TMCO5A: variants seen among roughly 807,000 people sequenced by gnomAD.
The protein encoded by TMCO5A is transmembrane and coiled-coil domain-containing protein 5A.
In TMCO5A, 34 loss-of-function variants were observed where a neutral mutation model predicts 42.3. The ratio of observed to expected loss-of-function variants is 0.80; its 90% CI spans 0.61 to 1.07. TMCO5A has a LOEUF of 1.07. Ranked by LOEUF, TMCO5A falls within the 50% of genes least tolerant of loss-of-function variation. TMCO5A has a pLI of 0.00. For synonymous variants in TMCO5A, 131 were observed against 115.6 expected, an observed-to-expected ratio of 1.13 and a Z score of -0.86; for missense variants, 357 against 327.9, an observed-to-expected ratio of 1.09 and a Z score of -0.69.
chr15:37,986,380 G>GGTGTGT, the TMCO5A span, among the ~76,000 whole-genome samples: 15,021 of 139,178 alleles, frequency 0.11, 837 homozygotes, highest in African/African-American at 0.15. Flanking sequence ...GGTAAGGGAT[G>GGTGTGT]GTGTGTGTGT....
At chr15:38,008,164 A>G in the TMCO5A span, among the ~76,000 whole-genome samples, 342 of 151,154 alleles carry the variant, frequency 2.3e-3, 3 homozygotes, top group East Asian at 0.026. Context: ...CAAAGTGCTG[A>G]GATTACAGGC....
intron 11 of TMCO5A, among the ~76,000 whole-genome samples, chr15:37,959,112 G>C (rs1890361504): frequency 1.3e-5 from 2 of 151,658 alleles, no homozygotes; most frequent in Non-Finnish European, 2.9e-5. Context: ...ACTGGGGCCT[G>C]TCAGGGGGTG....
At chr15:38,001,606 G>C in the TMCO5A span, among the ~76,000 whole-genome samples, 1 of 151,146 alleles carries the variant, frequency 6.6e-6, no homozygotes, top group South Asian at 2.1e-4. Flanking sequence ...TCTTCCTTTA[G>C]TGTAGGTGAT....
chr15:37,948,666 A>G (rs1385858566), intron 11 of TMCO5A, among the ~76,000 whole-genome samples: 1 of 152,120 alleles, frequency 6.6e-6, no homozygotes, highest in Admixed American at 6.6e-5. Context: ...AGGAAATCTT[A>G]GAAAAGAGAT....
At chr15:38,003,861 A>G in the TMCO5A span, among the ~76,000 whole-genome samples, 9 of 151,950 alleles carry the variant, frequency 5.9e-5, no homozygotes, top group Admixed American at 2.0e-4. Flanking sequence ...TGGAATCAGG[A>G]ACCCCAGGAG....
chr15:38,036,724 T>C, the TMCO5A span, among the ~76,000 whole-genome samples: 1 of 152,104 alleles, frequency 6.6e-6, no homozygotes, highest in East Asian at 1.9e-4. Flanking sequence ...CACCACCTTT[T>C]CTTACTCCTG....
chr15:38,010,906 C>G, the TMCO5A span, among the ~76,000 whole-genome samples: 3 of 152,026 alleles, frequency 2.0e-5, no homozygotes, highest in African/African-American at 7.3e-5. Flanking sequence ...TGCCACCATG[C>G]CCAGCTAATT....
chr15:37,967,670 A>G (rs1040481727), exon 12 of TMCO5A: 2 of 152,222 alleles, frequency 1.3e-5, no homozygotes, highest in African/African-American at 2.4e-5. Context: ...ACTGCAGTGA[A>G]GTATATCTTT....
intron 11 of TMCO5A, among the ~76,000 whole-genome samples, chr15:37,948,415 G>A (rs533757692): frequency 1.3e-5 from 2 of 152,066 alleles, no homozygotes; most frequent in Non-Finnish European, 2.9e-5. Flanking sequence ...ATTATTGGTG[G>A]TTAAAGGTCA....
chr15:37,987,974 TA>T, the TMCO5A span, among the ~76,000 whole-genome samples: 5 of 152,008 alleles, frequency 3.3e-5, no homozygotes, highest in Non-Finnish European at 5.9e-5. Context: ...TTAGCAATTT[TA>T]AGTCTCCCAA....
chr15:37,942,473 A>G, intron 9 of TMCO5A: 1 of 513,774 alleles, frequency 1.9e-6, no homozygotes, highest in South Asian at 3.4e-5. Flanking sequence ...ACAGAAACAC[A>G]TCTCCCTTCG....
the TMCO5A span, among the ~76,000 whole-genome samples, chr15:37,973,893 T>C: frequency 6.6e-6 from 1 of 151,704 alleles, no homozygotes; most frequent in African/African-American, 2.4e-5. Context: ...ATGTTTGCTG[T>C]GGGTTTGTTA....
At chr15:38,028,806 G>T in the TMCO5A span, among the ~76,000 whole-genome samples, 3 of 152,282 alleles carry the variant, frequency 2.0e-5, no homozygotes, top group African/African-American at 7.2e-5. Flanking sequence ...GTAACACCTT[G>T]TGCGCCTGCA....
Position 37,946,354 on chromosome 15 carries a change from T to C in TMCO5A, c.628-1302T>C, listed in dbSNP as rs1889955861. Among the ~76,000 whole-genome samples, 3 of 152,106 alleles carry C rather than the reference T, an allele frequency of 2.0e-5. No individual in the cohort carries two copies. The South Asian group carries it at 6.2e-4, about 31-fold the overall frequency. On this transcript the variant is annotated intron_variant, in intron 10 of 11. Coordinates refer to ENST00000319669, the MANE Select transcript of TMCO5A (RefSeq NM_152453.4). ...TTGTCTTGGCTATTAGGGCTCTTTT[T>C]GGTTCCACATGAATTTTAAAATCAT... is the stretch of plus-strand genomic sequence containing the variant.
intron 4 of TMCO5A, 96 bp from the exon 5 acceptor site, chr15:37,937,250 C>T (rs1380049796): frequency 7.0e-7 from 1 of 1,426,216 alleles, no homozygotes; most frequent in African/African-American, 1.4e-5. Context: ...CAAGTTACTG[C>T]AGGAAAATAT....
the TMCO5A span, among the ~76,000 whole-genome samples, chr15:38,016,414 A>G: frequency 2.0e-5 from 3 of 152,168 alleles, no homozygotes; most frequent in African/African-American, 7.2e-5. Context: ...ACTCCTCATG[A>G]ACTCCCAAGG....
chr15:37,936,224 A>G, intron 2 of TMCO5A, 90 bp from the exon 3 acceptor site: 1 of 1,440,204 alleles, frequency 6.9e-7, no homozygotes, highest in Non-Finnish European at 9.4e-7. Flanking sequence ...AGGTTAATAA[A>G]CTAGATGTGT....
the TMCO5A span, among the ~76,000 whole-genome samples, chr15:38,000,802 G>C: frequency 6.6e-6 from 1 of 151,976 alleles, no homozygotes; most frequent in East Asian, 1.9e-4. Flanking sequence ...ACCAGTGTTT[G>C]TACAGTTACC....
At chr15:38,018,051 G>A in the TMCO5A span, among the ~76,000 whole-genome samples, 1 of 152,088 alleles carries the variant, frequency 6.6e-6, no homozygotes, top group Non-Finnish European at 1.5e-5. Flanking sequence ...AGAACTATAA[G>A]TCAAACCTCT....
Sources: gnomAD v4.1 joint callset for allele counts (sites outside exome capture counted in the v4.1 genomes callset) on GRCh38, gnomAD v4.1.1 for gene constraint, MANE v1.5 for transcripts, NCBI Gene and HGNC (gene_info 2026-07-23, HGNC 2026-07-21) for gene names.